Variants in MGAT4C observed in about 807,000 individuals in gnomAD.
MGAT4C encodes alpha-1,3-mannosyl-glycoprotein 4-beta-N-acetylglucosaminyltransferase C.
MGAT4C carries 19 observed loss-of-function variants against 40.1 expected under a neutral mutation model. The ratio of observed to expected loss-of-function variants is 0.47; its 90% confidence interval spans 0.33 to 0.70. MGAT4C has a LOEUF of 0.70. MGAT4C is among the 30% of genes least tolerant of loss of function. The pLI, the probability that MGAT4C is intolerant of heterozygous loss-of-function variation, is 0.02. For missense variants in MGAT4C, 491 were observed against 563.2 expected, an observed-to-expected ratio of 0.87 and a Z score of 1.30; for synonymous variants, 181 against 187.1, an observed-to-expected ratio of 0.97 and a Z score of 0.27.
chr12:86,537,689 T>C (rs1959098568), intron 2 of MGAT4C, among the ~76,000 whole-genome samples: 1 of 152,184 alleles, frequency 6.6e-6, no homozygotes, highest in Non-Finnish European at 1.5e-5. Context: ...GCCTCTAATT[T>C]GGGGACAATG....
chr12:86,266,333 G>A (rs1362429461), intron 4 of MGAT4C, among the ~76,000 whole-genome samples: 3 of 151,942 alleles, frequency 2.0e-5, no homozygotes, highest in Non-Finnish European at 4.4e-5. Flanking sequence ...GTTAAATGAG[G>A]GTTTTATCAT....
At chr12:86,709,161 T>C (rs1017447768) in intron 2 of MGAT4C, among the ~76,000 whole-genome samples, 2 of 152,138 alleles carry the variant, frequency 1.3e-5, no homozygotes, top group Non-Finnish European at 2.9e-5. Context: ...GTTCCTGTGA[T>C]AGTGAATAAG....
chr12:86,128,603 A>G (rs1382638924), intron 1 of MGAT4C, among the ~76,000 whole-genome samples: 1 of 152,168 alleles, frequency 6.6e-6, no homozygotes, highest in Non-Finnish European at 1.5e-5. Context: ...ACTAATAGGC[A>G]TGACTATATA....
intron 2 of MGAT4C, among the ~76,000 whole-genome samples, chr12:86,561,066 A>C (rs1040655407): frequency 6.6e-6 from 1 of 152,172 alleles, no homozygotes; most frequent in African/African-American, 2.4e-5. Flanking sequence ...AAATATGCTT[A>C]TGAATAAATT....
rs576982721 is a variant in MGAT4C at position 86,744,876 on chromosome 12, C to T, written c.-261-17635G>A. Among the ~76,000 whole-genome samples, 88 of 151,446 alleles carry T rather than the reference C, an allele frequency of 5.8e-4. 1 individual carries two copies. The highest frequency in any genetic ancestry group is 8.0e-4 in the Non-Finnish European group (54 of 67,644). On this transcript the variant is annotated intron_variant, in intron 1 of 7. Coordinates refer to the MGAT4C transcript ENST00000548651. ...CAATTTTATGACAAGGATCCAAACC[C>T]GACAATTAAAAAAATTGAAACATAA... is the stretch of plus-strand genomic sequence containing the variant.
intron 3 of MGAT4C, among the ~76,000 whole-genome samples, chr12:86,433,478 A>G (rs916334510): frequency 2.6e-5 from 4 of 151,980 alleles, no homozygotes; most frequent in African/African-American, 9.7e-5. Flanking sequence ...GCCTATTGCA[A>G]CAGTCTTTAA....
chr12:86,566,554 A>G (rs1261058196), intron 2 of MGAT4C, among the ~76,000 whole-genome samples: 2 of 111,782 alleles, frequency 1.8e-5, no homozygotes, highest in Non-Finnish European at 3.4e-5. Context: ...ATATATATAT[A>G]TATATATATA....
At chr12:86,003,679 G>C (rs949127430) in intron 2 of MGAT4C, among the ~76,000 whole-genome samples, 4 of 152,118 alleles carry the variant, frequency 2.6e-5, no homozygotes, top group African/African-American at 7.2e-5. Flanking sequence ...TTTCTAAGCT[G>C]TATTAAGTAA....
In MGAT4C at chr12:85,965,673, T is replaced by C. The variant is rs1045210667; in HGVS notation, c.*13616A>G. ...ACGCTGAAAGGCAGAGAAGAAGTAA[T>C]TATGAACAAACTGTTCATGAAGTGA... is the stretch of plus-strand genomic sequence containing the variant. On this transcript the variant is annotated 3_prime_UTR_variant, in exon 5 of 5. Coordinates refer to ENST00000611864, the MANE Select transcript of MGAT4C (RefSeq NM_001351288.2). 6 of 150,800 alleles carry C rather than the reference T, an allele frequency of 4.0e-5. No individual in the cohort carries two copies. The highest frequency in any genetic ancestry group is 1.2e-4 in the African/African-American group (5 of 41,012). 9.3% of individuals were successfully genotyped at this position (150,800 alleles called of 1,614,324 possible).
chr12:86,748,979 TA>T (rs1431837898), intron 1 of MGAT4C, among the ~76,000 whole-genome samples: 1 of 151,256 alleles, frequency 6.6e-6, no homozygotes, highest in South Asian at 2.1e-4. Context: ...CAAGCTTATT[TA>T]AAAAGTAGCT....
intron 2 of MGAT4C, among the ~76,000 whole-genome samples, chr12:86,543,753 C>T (rs143351114): frequency 9.7e-4 from 148 of 152,124 alleles, no homozygotes; most frequent in African/African-American, 3.3e-3. Flanking sequence ...AAAGATAATC[C>T]AAAATCTAGT....
chr12:86,312,108 A>AT, intron 4 of MGAT4C, among the ~76,000 whole-genome samples: 1 of 152,008 alleles, frequency 6.6e-6, no homozygotes, highest in Non-Finnish European at 1.5e-5. Context: ...TGTGTCCTGC[A>AT]TTTTCATTTT....
At chr12:86,610,288 A>G (rs1229071758) in intron 2 of MGAT4C, among the ~76,000 whole-genome samples, 1 of 152,190 alleles carries the variant, frequency 6.6e-6, no homozygotes, top group East Asian at 1.9e-4. Context: ...CCATGCTGAT[A>G]AATTAACTAC....
At chr12:86,670,956 T>C (rs1290100564) in intron 2 of MGAT4C, among the ~76,000 whole-genome samples, 1 of 152,230 alleles carries the variant, frequency 6.6e-6, no homozygotes, top group Non-Finnish European at 1.5e-5. Flanking sequence ...ATTTATACCA[T>C]TCTATTTTTT....
intron 2 of MGAT4C, among the ~76,000 whole-genome samples, chr12:86,588,815 C>T (rs1028754566): frequency 1.3e-5 from 2 of 151,520 alleles, no homozygotes; most frequent in African/African-American, 4.9e-5. Context: ...GGGTACATAA[C>T]GAAATGAAGG....
At chr12:86,236,429 C>T (rs1015637760) in intron 1 of MGAT4C, among the ~76,000 whole-genome samples, 2 of 151,974 alleles carry the variant, frequency 1.3e-5, no homozygotes, top group African/African-American at 4.8e-5. Flanking sequence ...AGGTTTCTGC[C>T]TATACATTAT....
At chr12:86,636,972 C>T (rs557214948) in intron 2 of MGAT4C, among the ~76,000 whole-genome samples, 212 of 151,896 alleles carry the variant, frequency 1.4e-3, no homozygotes, top group Non-Finnish European at 1.2e-3. Context: ...AAGTGTTGGT[C>T]ATTATTAAGG....
intron 2 of MGAT4C, among the ~76,000 whole-genome samples, chr12:86,714,290 T>C (rs558536673): frequency 2.6e-5 from 4 of 152,256 alleles, no homozygotes; most frequent in African/African-American, 9.6e-5. Flanking sequence ...AGTATACTAA[T>C]GTTCTTGTGT....
chr12:86,197,036 C>T (rs1396749274), intron 1 of MGAT4C, among the ~76,000 whole-genome samples: 1 of 152,190 alleles, frequency 6.6e-6, no homozygotes, highest in Non-Finnish European at 1.5e-5. Flanking sequence ...AAAAATCCAG[C>T]CTCACCTTCA....
Sources: allele counts gnomAD v4.1 joint callset (sites outside exome capture counted in the v4.1 genomes callset), GRCh38; gene constraint gnomAD v4.1.1; transcripts MANE v1.5; gene names NCBI Gene and HGNC (gene_info 2026-07-23, HGNC 2026-07-21).